The following SEL1L3 variants were observed in gnomAD, a reference collection of about 807,000 sequenced individuals.
The protein encoded by SEL1L3 is SEL1L family member 3, also known as protein sel-1 homolog 3.
In SEL1L3, 76 loss-of-function variants were observed where a neutral mutation model predicts 142.8. The ratio of observed to expected loss-of-function variants is 0.53; its 90% CI spans 0.44 to 0.64. SEL1L3 has a LOEUF of 0.64. Among genes scored for constraint, SEL1L3 ranks in the 30% least tolerant of loss-of-function variants. The pLI is 0.00. For synonymous variants in SEL1L3, 504 were observed against 519.6 expected, an observed-to-expected ratio of 0.97 and a Z score of 0.41; for missense variants, 1,262 against 1,381.7, an observed-to-expected ratio of 0.91 and a Z score of 1.37.
At chr4:25,807,636 T>C (rs1218821438) in intron 9 of SEL1L3, among the ~76,000 whole-genome samples, 1 of 152,128 alleles carries the variant, frequency 6.6e-6, no homozygotes, top group African/African-American at 2.4e-5. Context: ...ATGATGAATT[T>C]TGCCAGAGTA....
chr4:25,768,631 G>A (rs953028976), intron 17 of SEL1L3, among the ~76,000 whole-genome samples: 1 of 152,124 alleles, frequency 6.6e-6, no homozygotes, highest in South Asian at 2.1e-4. Context: ...CTGTTGCCAC[G>A]GAGTTCATGG....
At chr4:25,766,656 T>A (rs1457054933) in intron 19 of SEL1L3, among the ~76,000 whole-genome samples, 1 of 152,040 alleles carries the variant, frequency 6.6e-6, no homozygotes, top group Non-Finnish European at 1.5e-5. Context: ...AGGGTGCCTG[T>A]GATGTTACCA....
intron 11 of SEL1L3, among the ~76,000 whole-genome samples, chr4:25,799,536 C>A (rs1323014475): frequency 2.0e-5 from 3 of 152,154 alleles, no homozygotes; most frequent in Admixed American, 1.3e-4. Flanking sequence ...TGGCAAGACA[C>A]AATTCAGCCC....
At chr4:25,860,349 CCT>C (rs1196258381) in intron 1 of SEL1L3, among the ~76,000 whole-genome samples, 1 of 152,228 alleles carries the variant, frequency 6.6e-6, no homozygotes, top group Non-Finnish European at 1.5e-5. Flanking sequence ...GCCCCATCCC[CCT>C]GACCAACCAC....
intron 23 of SEL1L3, among the ~76,000 whole-genome samples, chr4:25,749,050 G>A (rs939641568): frequency 6.6e-6 from 1 of 152,244 alleles, no homozygotes; most frequent in South Asian, 2.1e-4. Context: ...CAGTGATGAG[G>A]TACAAAGACC....
intron 5 of SEL1L3, among the ~76,000 whole-genome samples, chr4:25,832,557 G>T (rs749267413): frequency 6.6e-6 from 1 of 152,116 alleles, no homozygotes; most frequent in Non-Finnish European, 1.5e-5. Context: ...ATAAGCAATT[G>T]CTTCACTTGC....
chr4:25,758,384 T>G (rs1016791114), intron 21 of SEL1L3, among the ~76,000 whole-genome samples: 7 of 152,120 alleles, frequency 4.6e-5, no homozygotes, highest in Non-Finnish European at 2.9e-5. Flanking sequence ...GGCATGAGAA[T>G]CACTTGAACC....
chr4:25,726,364 C>T, the SEL1L3 span, among the ~76,000 whole-genome samples: 1 of 151,880 alleles, frequency 6.6e-6, no homozygotes, highest in Non-Finnish European at 1.5e-5. Context: ...CCCGTCTCTA[C>T]TAAAAATACA....
chr4:25,715,659 G>A, the SEL1L3 span, among the ~76,000 whole-genome samples: 2 of 152,136 alleles, frequency 1.3e-5, no homozygotes, highest in Non-Finnish European at 1.5e-5. Flanking sequence ...CAAAATATGG[G>A]AAAGAAGCCA....
the SEL1L3 span, among the ~76,000 whole-genome samples, chr4:25,721,366 T>C: frequency 1.3e-5 from 2 of 152,046 alleles, no homozygotes; most frequent in Admixed American, 6.6e-5. Flanking sequence ...TCCAGCAATG[T>C]GGGGCCACAG....
At chr4:25,856,398 C>T (rs1485831555) in intron 1 of SEL1L3, among the ~76,000 whole-genome samples, 3 of 152,060 alleles carry the variant, frequency 2.0e-5, no homozygotes, top group African/African-American at 2.4e-5. Context: ...TAGGCAGCTA[C>T]AATAGATGTT....
intron 2 of SEL1L3, among the ~76,000 whole-genome samples, chr4:25,845,830 T>G (rs1716468517): frequency 6.6e-6 from 1 of 152,184 alleles, no homozygotes; most frequent in Non-Finnish European, 1.5e-5. Context: ...GTCCTCTGCC[T>G]GCCAAGCCTG....
downstream of SEL1L3, among the ~76,000 whole-genome samples, chr4:25,746,509 T>TAA (rs1222656401): frequency 6.4e-3 from 197 of 30,796 alleles, 3 homozygotes; most frequent in Middle Eastern, 0.065. Flanking sequence ...ATTATCTAAA[T>TAA]ATATATATAT....
At chr4:25,725,610 G>A in the SEL1L3 span, among the ~76,000 whole-genome samples, 4 of 152,108 alleles carry the variant, frequency 2.6e-5, no homozygotes, top group Admixed American at 6.6e-5. Flanking sequence ...TACTGCGCCC[G>A]GCCCTGGTTG....
At chr4:25,861,493 C>T (rs1056651086) in intron 1 of SEL1L3, among the ~76,000 whole-genome samples, 4 of 152,178 alleles carry the variant, frequency 2.6e-5, no homozygotes, top group Admixed American at 6.5e-5. Context: ...AAGAAACGGG[C>T]TGAGTGGCAA....
rs112184927 is a variant in SEL1L3, at chr4:25,800,335, T to C, written c.1956+1948A>G. On this transcript the variant is annotated intron_variant, in intron 11 of 23. Coordinates refer to ENST00000399878, the MANE Select transcript of SEL1L3 (RefSeq NM_015187.5). ...ATTACCCATTCTTAAGAAAATGAGC[T>C]ATGACACAACTCTTCTAACTGTATA... is the stretch of plus-strand genomic sequence containing the variant. 2.1e-3 allele frequency among the ~76,000 whole-genome samples: 314 copies of C among 152,376 alleles called. 1 individual carries two copies. The highest frequency in any genetic ancestry group is 7.0e-3 in the African/African-American group (293 of 41,586).
rs752182978 is a variant in SEL1L3 at position 25,757,782 on chromosome 4, C to T, written c.3092G>A (p.Ser1031Asn). The change falls in exon 22 of 24, where the codon AGC becomes AAC. Residue 1031 changes from serine (S) to asparagine (N), a missense_variant. By Grantham distance (46) the Ser-to-Asn change is conservative. Coordinates refer to ENST00000399878, the MANE Select transcript of SEL1L3 (RefSeq NM_015187.5). ...GCTGAAGGACTCCTCGTTACTGTGG[C>T]TCCAGCACCTGCAGACAAAGCCCAG... ...ILQELYERCW[S>N]HSNEESFSPC... 1 of 1,576,474 alleles carries T rather than the reference C, an allele frequency of 6.3e-7. No homozygotes were observed. The highest frequency in any genetic ancestry group is 8.6e-7 in the Non-Finnish European group (1 of 1,161,596).
chr4:25,778,464 C>G (rs1345201416), intron 16 of SEL1L3, among the ~76,000 whole-genome samples: 5 of 151,986 alleles, frequency 3.3e-5, no homozygotes, highest in Non-Finnish European at 4.4e-5. Context: ...AAATAAGTAG[C>G]AATCCATAGA....
intron 9 of SEL1L3, among the ~76,000 whole-genome samples, chr4:25,806,661 C>T (rs1713598687): frequency 6.6e-6 from 1 of 152,150 alleles, no homozygotes; most frequent in African/African-American, 2.4e-5. Flanking sequence ...GCCACCACCT[C>T]CACCAGCTCT....
Sources: gnomAD v4.1 joint callset for allele counts (sites outside exome capture counted in the v4.1 genomes callset) on GRCh38, gnomAD v4.1.1 for gene constraint, MANE v1.5 for transcripts, NCBI Gene and HGNC (gene_info 2026-07-23, HGNC 2026-07-21) for gene names.